Variants in SIK3 observed in about 807,000 individuals in gnomAD.
SIK3 encodes SIK family kinase 3, also known as serine/threonine-protein kinase SIK3.
Under a neutral mutation model 144.2 loss-of-function variants are expected in SIK3, and 28 were observed. The observed-to-expected ratio is 0.19, with a 90% CI of 0.14 to 0.27. SIK3 has a LOEUF of 0.27. SIK3 is among the 10% of genes least tolerant of loss of function. SIK3 has a pLI of 1.00. For missense variants in SIK3, 1,319 were observed against 1,776.0 expected, an observed-to-expected ratio of 0.74 and a Z score of 4.62; for synonymous variants, 686 against 676.3, an observed-to-expected ratio of 1.01 and a Z score of -0.22.
chr11:117,080,167 T>C (rs1954723334), intron 1 of SIK3, among the ~76,000 whole-genome samples: 1 of 152,200 alleles, frequency 6.6e-6, no homozygotes, highest in Non-Finnish European at 1.5e-5. Context: ...TCGAATGTAC[T>C]AATAAGTAAC....
At chr11:117,026,630 T>A (rs531660757) in intron 1 of SIK3, among the ~76,000 whole-genome samples, 1 of 152,190 alleles carries the variant, frequency 6.6e-6, no homozygotes, top group Non-Finnish European at 1.5e-5. Flanking sequence ...TGGTTGAACC[T>A]CCAGGTCAGA....
chr11:116,924,187 G>A (rs56314469), intron 4 of SIK3, among the ~76,000 whole-genome samples: 24,566 of 151,716 alleles, frequency 0.16, 2,074 homozygotes, highest in Admixed American at 0.2. Flanking sequence ...CCAGCTACAC[G>A]GGAGGCTGAG....
intron 1 of SIK3, among the ~76,000 whole-genome samples, chr11:117,090,778 G>T (rs1955208764): frequency 6.6e-6 from 1 of 152,190 alleles, no homozygotes; most frequent in Non-Finnish European, 1.5e-5. Context: ...GGACCCATAG[G>T]GTACTAAAAG....
At chr11:116,891,293 G>T (rs1018073563) in intron 6 of SIK3, among the ~76,000 whole-genome samples, 2 of 152,116 alleles carry the variant, frequency 1.3e-5, no homozygotes, top group African/African-American at 2.4e-5. Context: ...CTCCAGCCTG[G>T]GTGACAGAGC....
chr11:117,005,336 G>GAAAA lies in SIK3; in HGVS notation c.274-48276_274-48273dup, dbSNP rs35279676. On this transcript the variant is annotated intron_variant, in intron 1 of 24. Coordinates refer to ENST00000445177, the MANE Select transcript of SIK3 (RefSeq NM_001366686.3). ...GGTGACAGAGCGAGACCCCGTCTCA[G>GAAAA]AAAAAAAAAAAAAAAAAAAAAAAAA... 3.3e-3 allele frequency among the ~76,000 whole-genome samples: 183 copies of GAAAA among 55,978 alleles called. 9 individuals carry two copies. Among genetic ancestry groups the GAAAA allele is most frequent in the South Asian group, 9.3e-3 (9 of 970 alleles). 36.7% of individuals were successfully genotyped at this position (55,978 alleles called of 152,430 possible).
intron 1 of SIK3, among the ~76,000 whole-genome samples, chr11:116,962,868 T>C (rs529989202): frequency 1.3e-5 from 2 of 152,232 alleles, no homozygotes; most frequent in South Asian, 2.1e-4. Flanking sequence ...ACAAAAGATA[T>C]TAAAACTAAT....
intron 1 of SIK3, among the ~76,000 whole-genome samples, chr11:116,999,813 A>G (rs955832189): frequency 3.3e-5 from 5 of 152,226 alleles, no homozygotes; most frequent in Admixed American, 2.6e-4. Context: ...TATTATTTCT[A>G]TAAGACAAAT....
At chr11:117,059,446 T>C (rs1452132104) in intron 1 of SIK3, among the ~76,000 whole-genome samples, 1 of 152,226 alleles carries the variant, frequency 6.6e-6, no homozygotes, top group Non-Finnish European at 1.5e-5. Flanking sequence ...AGGACTTCCC[T>C]GAATAGCCAT....
At chr11:117,057,859 C>T (rs1334569637) in intron 1 of SIK3, among the ~76,000 whole-genome samples, 1 of 152,052 alleles carries the variant, frequency 6.6e-6, no homozygotes, top group East Asian at 1.9e-4. Flanking sequence ...GCTATGAAAA[C>T]CAAAAAACTT....
chr11:117,015,141 A>G (rs564545815), intron 1 of SIK3, among the ~76,000 whole-genome samples: 31 of 152,308 alleles, frequency 2.0e-4, no homozygotes, highest in African/African-American at 7.2e-4. Context: ...AAATAACCCA[A>G]AAGAAAAATG....
In SIK3 at chr11:116,984,050, CA is replaced by C. The variant is rs35403684; in HGVS notation, c.274-26987del. ...TGGGTGACAGAGCAAGACCCTGACT[CA>C]AAAAAAAAAAAAAAAAAAAAATTAA... On this transcript the variant is annotated intron_variant, in intron 1 of 24. Coordinates refer to ENST00000445177, the MANE Select transcript of SIK3 (RefSeq NM_001366686.3). Among the ~76,000 whole-genome samples the C allele has an allele frequency of 5.7e-3, 457 of 80,872 alleles. 2 individuals carry two copies. Among genetic ancestry groups the C allele is most frequent in the East Asian group, 0.043 (115 of 2,682 alleles). 53.1% of individuals were successfully genotyped at this position (80,872 alleles called of 152,430 possible). A position where few individuals can be genotyped will look rare whatever the true frequency, so the allele number is the denominator to read the frequency against.
At chr11:117,089,177 G>A (rs1441147295) in intron 1 of SIK3, among the ~76,000 whole-genome samples, 2 of 151,934 alleles carry the variant, frequency 1.3e-5, no homozygotes, top group South Asian at 2.1e-4. Context: ...AGGCTGAGGC[G>A]GGCAGATCAC....
chr11:117,079,803 C>T (rs1365809309), intron 1 of SIK3, among the ~76,000 whole-genome samples: 5 of 151,676 alleles, frequency 3.3e-5, no homozygotes, highest in Admixed American at 2.6e-4. Context: ...ATTAGACACA[C>T]ACACAAAGTC....
chr11:117,039,298 T>G (rs1952644499), intron 1 of SIK3, among the ~76,000 whole-genome samples: 2 of 152,218 alleles, frequency 1.3e-5, no homozygotes, highest in Non-Finnish European at 2.9e-5. Context: ...TTAATTGTGT[T>G]TGTTTGTAGA....
chr11:117,060,284 A>C (rs1953734322), intron 1 of SIK3, among the ~76,000 whole-genome samples: 1 of 152,168 alleles, frequency 6.6e-6, no homozygotes, highest in Admixed American at 6.6e-5. Context: ...GTAACATCAA[A>C]ACTATGGAGA....
intron 4 of SIK3, among the ~76,000 whole-genome samples, chr11:116,902,452 T>G (rs1945785724): frequency 2.0e-5 from 3 of 152,222 alleles, no homozygotes. Context: ...AGGCTTAGAC[T>G]GCTAATAGTT....
chr11:116,898,998 G>A (rs993081458), intron 4 of SIK3, among the ~76,000 whole-genome samples: 1 of 149,070 alleles, frequency 6.7e-6, no homozygotes, highest in African/African-American at 2.5e-5. Flanking sequence ...TGTCAATTTT[G>A]GCTTTTGTTG....
At chr11:116,971,713 G>GT (rs567156073) in intron 1 of SIK3, among the ~76,000 whole-genome samples, 11 of 152,068 alleles carry the variant, frequency 7.2e-5, no homozygotes, top group Non-Finnish European at 1.5e-4. Flanking sequence ...CATTTCATCT[G>GT]TAACTACTTC....
intron 1 of SIK3, among the ~76,000 whole-genome samples, chr11:117,023,621 A>AAAAAAAAAATATATATATATAT (rs754624841): frequency 3.1e-5 from 3 of 95,414 alleles, no homozygotes; most frequent in East Asian, 6.1e-4. Context: ...AAAAAAAAAA[A>AAAAAAAAAATATATATATATAT]ATATATATAT....
Sources: gnomAD v4.1 joint callset for allele counts (sites outside exome capture counted in the v4.1 genomes callset) on GRCh38, gnomAD v4.1.1 for gene constraint, MANE v1.5 for transcripts, NCBI Gene and HGNC (gene_info 2026-07-23, HGNC 2026-07-21) for gene names.